Variants in PPP2R2B observed in about 807,000 individuals in gnomAD.
PPP2R2B encodes the protein protein phosphatase 2 regulatory subunit Bbeta.
PPP2R2B carries 5 observed loss-of-function variants against 46.0 expected under a neutral mutation model. The ratio of observed to expected loss-of-function variants is 0.11; its 90% CI spans 0.06 to 0.23. PPP2R2B has a LOEUF of 0.23. Among genes scored for constraint, PPP2R2B ranks in the 10% least tolerant of loss-of-function variants. The pLI, the probability that PPP2R2B is intolerant of heterozygous loss-of-function variation, is 1.00. For synonymous variants in PPP2R2B, 215 were observed against 206.7 expected, an observed-to-expected ratio of 1.04 and a Z score of -0.34; for missense variants, 367 against 575.0, an observed-to-expected ratio of 0.64 and a Z score of 3.70.
At chr5:146,798,807 TTC>T (rs1756691641) in intron 2 of PPP2R2B, among the ~76,000 whole-genome samples, 1 of 152,168 alleles carries the variant, frequency 6.6e-6, no homozygotes, top group Admixed American at 6.5e-5. Context: ...GGAATTAACT[TTC>T]TCCAGGGTAT....
At chr5:146,747,398 A>G (rs1210512731) in intron 2 of PPP2R2B, among the ~76,000 whole-genome samples, 2 of 152,330 alleles carry the variant, frequency 1.3e-5, no homozygotes, top group Admixed American at 1.3e-4. Flanking sequence ...TATGCACCAA[A>G]GCACTCCAGG....
At chr5:146,702,057 A>T (rs1779572975) in intron 2 of PPP2R2B, among the ~76,000 whole-genome samples, 1 of 41,278 alleles carries the variant, frequency 2.4e-5, no homozygotes, top group African/African-American at 1.8e-4. Context: ...CAAATGAGTT[A>T]AAAAAAAAAA....
intron 1 of PPP2R2B, among the ~76,000 whole-genome samples, chr5:146,899,067 G>A (rs1248249521): frequency 6.6e-6 from 1 of 151,804 alleles, no homozygotes; most frequent in Admixed American, 6.6e-5. Context: ...TCAGTAGGGC[G>A]ATTCCTCAGG....
chr5:146,863,637 C>T (rs1463435507), intron 2 of PPP2R2B, among the ~76,000 whole-genome samples: 5 of 147,114 alleles, frequency 3.4e-5, no homozygotes, highest in African/African-American at 7.8e-5. Context: ...CCCATCCATC[C>T]ATCTATCCAT....
In PPP2R2B at chr5:147,075,946, AT is replaced by A. The variant is rs1387761971; in HGVS notation, c.50+5112del. On this transcript the variant is annotated intron_variant, in intron 2 of 10. Coordinates refer to the PPP2R2B transcript ENST00000394413. The stretch of plus-strand genomic sequence containing the variant: ...GTCTATGTGTTATGTTGTTTAAAAT[AT>A]ATTTCTAATTATATTATCATAAGAA... Among the ~76,000 whole-genome samples, 3 of 27,132 alleles carry A rather than the reference AT, an allele frequency of 1.1e-4. No homozygotes were observed. In the Admixed American group the frequency reaches 1.1e-3, roughly 10 times the overall value. The allele number at this position is 27,132 out of a possible 152,430, so 17.8% of individuals were successfully genotyped here.
upstream of PPP2R2B, among the ~76,000 whole-genome samples, chr5:147,056,955 A>G (rs1055066351): frequency 2.0e-5 from 3 of 152,230 alleles, no homozygotes; most frequent in African/African-American, 7.2e-5. Context: ...AATGATTTAA[A>G]TGTCCATAAA....
At chr5:146,886,082 T>C (rs953161956) in intron 1 of PPP2R2B, among the ~76,000 whole-genome samples, 1 of 152,180 alleles carries the variant, frequency 6.6e-6, no homozygotes, top group Non-Finnish European at 1.5e-5. Context: ...CTCACGCCTG[T>C]AGCCCCAACA....
intron 2 of PPP2R2B, among the ~76,000 whole-genome samples, chr5:146,817,904 C>T (rs1298691687): frequency 6.6e-6 from 1 of 152,234 alleles, no homozygotes; most frequent in Non-Finnish European, 1.5e-5. Flanking sequence ...CCATAAAACA[C>T]CATCCTCCCA....
At chr5:146,764,847 CACACGCACACGT>C (rs1754381194) in intron 2 of PPP2R2B, among the ~76,000 whole-genome samples, 1 of 152,086 alleles carries the variant, frequency 6.6e-6, no homozygotes. Context: ...CACACACACG[CACACGCACACGT>C]ACTCTGCCCC....
At chr5:147,073,328 C>T (rs566767795) in intron 2 of PPP2R2B, among the ~76,000 whole-genome samples, 1 of 152,316 alleles carries the variant, frequency 6.6e-6, no homozygotes, top group African/African-American at 2.4e-5. Flanking sequence ...GCTCACTTCT[C>T]ACCAACTCAC....
chr5:146,728,507 C>T (rs1005752303), intron 2 of PPP2R2B, among the ~76,000 whole-genome samples: 8 of 152,132 alleles, frequency 5.3e-5, no homozygotes, highest in African/African-American at 1.9e-4. Context: ...CACTCCACAT[C>T]CTGTTGGTTA....
chr5:146,980,017 T>A (rs1753094760), intron 1 of PPP2R2B, among the ~76,000 whole-genome samples: 1 of 152,200 alleles, frequency 6.6e-6, no homozygotes. Flanking sequence ...GTGGTTTTCA[T>A]CTTCGAGATA....
chr5:146,748,942 T>G lies in PPP2R2B; in HGVS notation c.71-47800A>C, dbSNP rs560852114. 1.5e-4 allele frequency among the ~76,000 whole-genome samples: 23 copies of G among 152,348 alleles called. No individual in the cohort carries two copies. In the South Asian group the frequency reaches 4.6e-3, roughly 30 times the overall value. On this transcript the variant is annotated intron_variant, in intron 2 of 9. Transcript: ENST00000394411. ...GCAATTCTTGGGTCATATGGTATTA[T>G]AGTTTCATGTTTAGGTTTTTAAGAA...
intron 2 of PPP2R2B, among the ~76,000 whole-genome samples, chr5:147,071,419 G>A (rs941445820): frequency 6.6e-6 from 1 of 152,166 alleles, no homozygotes; most frequent in African/African-American, 2.4e-5. Flanking sequence ...TCAGGCAGGA[G>A]TCCAGCTATT....
chr5:146,767,215 T>G (rs1404753808), intron 2 of PPP2R2B, among the ~76,000 whole-genome samples: 1 of 152,084 alleles, frequency 6.6e-6, no homozygotes, highest in Admixed American at 6.5e-5. Flanking sequence ...GTGGCTCATA[T>G]CCTTCAAAAT....
At chr5:146,946,103 C>T (rs1582475580) in intron 1 of PPP2R2B, among the ~76,000 whole-genome samples, 1 of 152,248 alleles carries the variant, frequency 6.6e-6, no homozygotes, top group Non-Finnish European at 1.5e-5. Flanking sequence ...TATCTAAAAT[C>T]TCTTTATCCC....
In PPP2R2B at chr5:146,975,190, G is replaced by A. The variant is rs568681032; in HGVS notation, c.79+80475C>T. 9.9e-5 allele frequency among the ~76,000 whole-genome samples: 15 copies of A among 152,206 alleles called. 1 individual carries two copies. The South Asian group carries it at 2.7e-3, about 27-fold the overall frequency. On this transcript the variant is annotated intron_variant, in intron 1 of 8. Transcript: ENST00000336640. ...TGCACCGACCCCCAGCCCCTGGTGA[G>A]CACTACTCTAGCTTTATTTCTAAGA... is the stretch of plus-strand genomic sequence containing the variant.
At chr5:147,039,003 G>A (rs896570707) in intron 1 of PPP2R2B, among the ~76,000 whole-genome samples, 4 of 152,150 alleles carry the variant, frequency 2.6e-5, no homozygotes, top group Non-Finnish European at 4.4e-5. Flanking sequence ...AAAAGATACA[G>A]TATTCCACAA....
chr5:146,974,317 A>T (rs1752795780), intron 1 of PPP2R2B, among the ~76,000 whole-genome samples: 1 of 152,204 alleles, frequency 6.6e-6, no homozygotes, highest in Non-Finnish European at 1.5e-5. Context: ...ATAGCCTTTA[A>T]AACCAGCCAT....
Sources: allele counts gnomAD v4.1 joint callset (sites outside exome capture counted in the v4.1 genomes callset), GRCh38; gene constraint gnomAD v4.1.1; transcripts MANE v1.5; gene names NCBI Gene and HGNC (gene_info 2026-07-23, HGNC 2026-07-21).